Variants in ATL1 observed in about 807,000 individuals in gnomAD.
ATL1 encodes atlastin-1.
ATL1 carries 31 observed loss-of-function variants against 75.5 expected under a neutral mutation model. That is an observed-to-expected ratio of 0.41 (90% CI 0.31 to 0.55). The LOEUF (loss-of-function observed/expected upper bound fraction) is 0.55, where lower values mean the gene tolerates loss of function less well. ATL1 is among the 20% of genes least tolerant of loss of function. The probability of loss-of-function intolerance (pLI) is 0.27; values close to 1 mark genes in which losing one functional copy is unlikely to be tolerated. For missense variants in ATL1, 405 were observed against 662.6 expected (o/e 0.61, Z 4.27); for synonymous variants, 226 against 233.3 (o/e 0.97, Z 0.28).
intron 1 of ATL1, among the ~76,000 whole-genome samples, chr14:50,567,686 T>C (rs1022612365): frequency 6.6e-6 from 1 of 152,232 alleles, no homozygotes; most frequent in Admixed American, 6.5e-5. Context: ...GATATCTCAT[T>C]GTAGTTTTGA....
chr14:50,605,350 TG>T (rs1456523999), intron 6 of ATL1, among the ~76,000 whole-genome samples: 2 of 152,138 alleles, frequency 1.3e-5, no homozygotes, highest in Admixed American at 6.6e-5. Context: ...ACCACAAATT[TG>T]TCTTGATTTC....
chr14:50,631,117 A>G, intron 13 of ATL1: 1 of 274,154 alleles, frequency 3.6e-6, no homozygotes, highest in Non-Finnish European at 7.2e-6. Context: ...AAAATTAGCC[A>G]GGTGTGGTGG....
At chr14:50,537,364 A>C (rs2038507306) in intron 1 of ATL1, among the ~76,000 whole-genome samples, 1 of 152,246 alleles carries the variant, frequency 6.6e-6, no homozygotes, top group Non-Finnish European at 1.5e-5. Context: ...ATGTCCAGGC[A>C]GAAGTTTTCT....
At chr14:50,588,392 T>A (rs2039122763) in intron 2 of ATL1, among the ~76,000 whole-genome samples, 1 of 152,248 alleles carries the variant, frequency 6.6e-6, no homozygotes, top group African/African-American at 2.4e-5. Context: ...ACATAATTTT[T>A]GTATTGTAAT....
chr14:50,631,541 G>A (rs780882109), intron 13 of ATL1, among the ~76,000 whole-genome samples: 14 of 152,126 alleles, frequency 9.2e-5, no homozygotes, highest in Non-Finnish European at 1.9e-4. Flanking sequence ...AGATATCTAT[G>A]AACACTTATA....
intron 5 of ATL1, among the ~76,000 whole-genome samples, chr14:50,594,449 T>C (rs116907172): frequency 1.6e-3 from 238 of 152,214 alleles, no homozygotes; most frequent in Admixed American, 3.3e-3. Flanking sequence ...ATTTAATATA[T>C]TTTTTAGAAA....
chr14:50,567,177 A>G (rs1355327618), intron 1 of ATL1, among the ~76,000 whole-genome samples: 1 of 151,988 alleles, frequency 6.6e-6, no homozygotes, highest in East Asian at 1.9e-4. Flanking sequence ...TTCTTTCACT[A>G]TGACTTTGAC....
At chr14:50,626,027 G>C (rs1349346763) in intron 11 of ATL1, among the ~76,000 whole-genome samples, 1 of 152,170 alleles carries the variant, frequency 6.6e-6, no homozygotes, top group Non-Finnish European at 1.5e-5. Context: ...TAAGCCCACT[G>C]TTCAGACCTA....
At chr14:50,549,730 A>G (rs1024715983) in intron 1 of ATL1, among the ~76,000 whole-genome samples, 1 of 152,142 alleles carries the variant, frequency 6.6e-6, no homozygotes, top group Non-Finnish European at 1.5e-5. Flanking sequence ...AGGTTCCACT[A>G]CCATATAACC....
intron 6 of ATL1, among the ~76,000 whole-genome samples, chr14:50,611,736 C>A (rs2039368249): frequency 6.6e-6 from 1 of 152,096 alleles, no homozygotes; most frequent in Admixed American, 6.6e-5. Context: ...CTAAACCACA[C>A]CCTCCAGAAT....
chr14:50,628,161 A>T lies in ATL1; in HGVS notation c.1250A>T (p.Tyr417Phe), dbSNP rs1352215057. Residue 417 changes from tyrosine to phenylalanine, a missense_variant, in exon 12 of 14, where the codon TAC (tyrosine) becomes TTC (phenylalanine). This residue lies in a region of ATL1 where 163 missense variants were observed against 244.1 expected (regional missense o/e 0.67). Coordinates refer to ENST00000358385, the MANE Select transcript of ATL1 (RefSeq NM_015915.5). ...KMGGEEFSRR[Y>F]LQQLESEIDE... ...GGTGGGGAAGAATTTAGCCGGCGTT[A>T]CCTGCAGCAGTTGGAGAGTGAAATA... 2 of 1,614,200 alleles carry T rather than the reference A, an allele frequency of 1.2e-6. No individual in the cohort carries two copies. The highest frequency in any genetic ancestry group is 3.3e-5 in the Admixed American group (2 of 60,028).
chr14:50,595,753 T>A lies in ATL1; in HGVS notation c.630+121T>A. On this transcript the variant is annotated intron_variant, in intron 6 of 13. Coordinates refer to ENST00000358385, the MANE Select transcript of ATL1 (RefSeq NM_015915.5). ...TTTCATTGAGAAACCATTTTTGAAC[T>A]ATTTTATGCTATTTGATGCAATATA... The A allele has an allele frequency of 4.8e-6, 4 of 839,926 alleles. No homozygotes were observed. In the South Asian group the frequency reaches 6.0e-5, roughly 13 times the overall value. The allele number at this position is 839,926 out of a possible 1,614,324, so 52.0% of individuals were successfully genotyped here.
intron 1 of ATL1, among the ~76,000 whole-genome samples, chr14:50,570,773 T>C (rs1184116061): frequency 6.6e-6 from 1 of 152,234 alleles, no homozygotes; most frequent in African/African-American, 2.4e-5. Context: ...TTTCTTTGTA[T>C]ACTTTGTGAT....
intron 6 of ATL1, 80 bp from the exon 7 acceptor site, chr14:50,613,179 G>A: frequency 2.0e-6 from 2 of 988,468 alleles, no homozygotes; most frequent in Non-Finnish European, 3.2e-6. Context: ...AAATGACAGT[G>A]ATATTATAAC....
intron 12 of ATL1, 199 bp downstream of exon 12, chr14:50,628,661 A>C (rs563769222): frequency 1.4e-6 from 1 of 717,424 alleles, no homozygotes; most frequent in East Asian, 2.7e-5. Flanking sequence ...ACTATTTTCC[A>C]GTTAACATTT....
upstream of ATL1, among the ~76,000 whole-genome samples, chr14:50,556,268 C>T (rs1308071524): frequency 6.6e-6 from 1 of 152,138 alleles, no homozygotes; most frequent in Non-Finnish European, 1.5e-5. Flanking sequence ...CTTGCTCTGT[C>T]ATCCAGGCTG....
intron 1 of ATL1, among the ~76,000 whole-genome samples, chr14:50,550,129 A>C (rs1200458042): frequency 6.6e-6 from 1 of 152,176 alleles, no homozygotes; most frequent in Non-Finnish European, 1.5e-5. Flanking sequence ...GAGCCTTATG[A>C]TATCAACATC....
At chr14:50,572,135 G>A in intron 1 of ATL1, 1 of 414,364 alleles carries the variant, frequency 2.4e-6, no homozygotes, top group East Asian at 7.3e-5. Context: ...GGTGAGCTTT[G>A]CTCATGGTGT....
At chr14:50,536,946 C>A (rs1192217055) in intron 1 of ATL1, among the ~76,000 whole-genome samples, 2 of 152,158 alleles carry the variant, frequency 1.3e-5, no homozygotes, top group Middle Eastern at 3.2e-3. Context: ...AAAGAAAATC[C>A]CATTTTCTGA....
Sources: allele counts gnomAD v4.1 joint callset (sites outside exome capture counted in the v4.1 genomes callset), GRCh38; gene constraint gnomAD v4.1.1; regional missense constraint gnomAD v4.1.1; transcripts MANE v1.5; gene names NCBI Gene and HGNC (gene_info 2026-07-23, HGNC 2026-07-21).